Variants in ADAMTS20 observed in about 807,000 individuals in gnomAD.
The protein encoded by ADAMTS20 is A disintegrin and metalloproteinase with thrombospondin motifs 20.
ADAMTS20 carries 225 observed loss-of-function variants against 260.1 expected under a neutral mutation model. The ratio of observed to expected loss-of-function variants is 0.87; its 90% CI spans 0.78 to 0.97. ADAMTS20 has a LOEUF of 0.97. ADAMTS20 is among the 50% of genes least tolerant of loss of function. The pLI is 0.00. For synonymous variants in ADAMTS20, 802 were observed against 769.5 expected, an observed-to-expected ratio of 1.04 and a Z score of -0.70; for missense variants, 2,400 against 2,337.7, an observed-to-expected ratio of 1.03 and a Z score of -0.55.
chr12:43,551,086 G>T lies in ADAMTS20; in HGVS notation c.276C>A (p.Asn92Lys). 2 of 1,613,934 alleles carry T rather than the reference G, an allele frequency of 1.2e-6. No individual in the cohort carries two copies. Among genetic ancestry groups the T allele is most frequent in the Non-Finnish European group, 1.7e-6 (2 of 1,179,884 alleles). Residue 92 changes from asparagine to lysine, a missense_variant, in exon 2 of 39, where the codon AAC becomes AAA. Transcript: ENST00000389420. This position sits in a 1 kb window ranked among gnomAD's most constrained non-coding sequence, Gnocchi z 4.6. Reference protein sequence around the residue: ...FTAYGQLFQLNLTADASFLAA... With the variant: ...FTAYGQLFQLKLTADASFLAA... ...CCAGAAAGGATGCATCGGCGGTCAGGTTCAGCTGGAAGAGCTGCCCGTAGG... is the reference window on the plus strand; with the variant it reads ...CCAGAAAGGATGCATCGGCGGTCAGTTTCAGCTGGAAGAGCTGCCCGTAGG...
intron 3 of ADAMTS20, among the ~76,000 whole-genome samples, chr12:43,502,840 G>GA (rs1001553616): frequency 7.2e-5 from 11 of 151,820 alleles, no homozygotes; most frequent in Admixed American, 3.3e-4. Flanking sequence ...ATAAAATATA[G>GA]AAAAAAACAA....
chr12:43,531,833 T>C (rs908962119), intron 3 of ADAMTS20, among the ~76,000 whole-genome samples: 3 of 152,162 alleles, frequency 2.0e-5, no homozygotes, highest in Non-Finnish European at 4.4e-5. Flanking sequence ...TGTTAATTAG[T>C]TTGATTAAGC....
intron 11 of ADAMTS20, among the ~76,000 whole-genome samples, chr12:43,456,889 A>T (rs1378960474): frequency 6.6e-6 from 1 of 152,074 alleles, no homozygotes; most frequent in African/African-American, 2.4e-5. Flanking sequence ...TAACCAGGGG[A>T]ACAGATATGA....
At chr12:43,355,295 A>G (rs1159756373) in intron 38 of ADAMTS20, among the ~76,000 whole-genome samples, 2 of 152,156 alleles carry the variant, frequency 1.3e-5, no homozygotes, top group East Asian at 3.9e-4. Context: ...TCTTCATTAA[A>G]CTTATTGGCA....
intron 28 of ADAMTS20, among the ~76,000 whole-genome samples, chr12:43,422,009 C>T (rs1401228399): frequency 6.6e-6 from 1 of 151,880 alleles, no homozygotes; most frequent in African/African-American, 2.4e-5. Flanking sequence ...AAAAATACAA[C>T]ATACATATGA....
At chr12:43,368,035 C>T (rs368141305) in intron 37 of ADAMTS20, among the ~76,000 whole-genome samples, 1 of 151,894 alleles carries the variant, frequency 6.6e-6, no homozygotes, top group African/African-American at 2.4e-5. Context: ...ATGTAAAGAT[C>T]GTTACCATTG....
chr12:43,493,251 A>C lies in ADAMTS20; in HGVS notation c.870T>G (p.Val290=). The C allele has an allele frequency of 6.5e-7, 1 of 1,543,164 alleles. No individual in the cohort carries two copies. Among genetic ancestry groups the C allele is most frequent in the Non-Finnish European group, 8.8e-7 (1 of 1,142,546 alleles). Residue 290 remains valine (V), a splice_region_variant and synonymous_variant, in exon 5 of 39, where the codon GTT becomes GTG. Transcript: ENST00000389420. ...TACTTGGATCTTTGTAGATTGTTGC[A>C]ACCTGCATGTAAAAAAAATGTAGGA... The part of the protein sequence containing the change: ...QNYILTLMSI[V]ATIYKDPSIG...
At chr12:43,410,180 CAT>C (rs1941005606) in intron 28 of ADAMTS20, among the ~76,000 whole-genome samples, 1 of 151,816 alleles carries the variant, frequency 6.6e-6, no homozygotes, top group South Asian at 2.1e-4. Flanking sequence ...AAAAGAGAAA[CAT>C]ATGTGATGTA....
At chr12:43,430,559 T>C (rs1402404152) in intron 22 of ADAMTS20, 88 bp from the exon 23 acceptor site, 16 of 1,222,388 alleles carry the variant, frequency 1.3e-5, no homozygotes, top group Admixed American at 2.5e-5. Flanking sequence ...CTGTTAATAA[T>C]ATACTTTTAA....
At position 43,468,599 on chromosome 12, in the gene ADAMTS20, C is replaced by T. The variant is rs1297640432; in HGVS notation, c.1223+1G>A. The T allele has an allele frequency of 7.0e-6, 11 of 1,578,352 alleles. No individual in the cohort carries two copies. Among genetic ancestry groups the T allele is most frequent in the African/African-American group, 1.4e-5 (1 of 73,744 alleles). ...TTAAGGAGGTGACAGAAGGTACTTA[C>T]GTGTGCCCAAGCTCATGGGCTATAG... On this transcript the variant is annotated splice_donor_variant, in intron 8 of 38. Coordinates refer to ENST00000389420, the MANE Select transcript of ADAMTS20 (RefSeq NM_025003.5). LOFTEE classifies it high-confidence loss of function.
At chr12:43,536,231 T>A (rs1224095516) in intron 2 of ADAMTS20, among the ~76,000 whole-genome samples, 1 of 152,134 alleles carries the variant, frequency 6.6e-6, no homozygotes, top group Non-Finnish European at 1.5e-5. Flanking sequence ...TCATACCTAG[T>A]AAGTGGCGGT....
chr12:43,376,904 T>C (rs140892155), intron 32 of ADAMTS20, among the ~76,000 whole-genome samples: 78 of 152,332 alleles, frequency 5.1e-4, no homozygotes, highest in African/African-American at 1.8e-3. Flanking sequence ...TTAGCAACAA[T>C]ACATTGTAAA....
chr12:43,427,479 A>G lies in ADAMTS20; in HGVS notation c.3946-10T>C, dbSNP rs1191587015. 6.3e-7 allele frequency: 1 copy of G among 1,594,542 alleles called. No homozygotes were observed. Among genetic ancestry groups the G allele is most frequent in the Non-Finnish European group, 8.5e-7 (1 of 1,172,658 alleles). On this transcript the variant is annotated splice_polypyrimidine_tract_variant and intron_variant, in intron 26 of 38. Coordinates refer to ENST00000389420, the MANE Select transcript of ADAMTS20 (RefSeq NM_025003.5). ...AACAACTGCTGGAGCACTGACAAGA[A>G]TAAAACACAAAATATGCACAAACTG...
chr12:43,443,981 A>C, intron 15 of ADAMTS20, 98 bp from the exon 16 acceptor site: 4 of 892,058 alleles, frequency 4.5e-6, no homozygotes, highest in Non-Finnish European at 7.1e-6. Context: ...GCATAGTCAG[A>C]CTTAATTTTG....
At chr12:43,379,396 T>C (rs557334028) in intron 31 of ADAMTS20, among the ~76,000 whole-genome samples, 1 of 152,238 alleles carries the variant, frequency 6.6e-6, no homozygotes, top group South Asian at 2.1e-4. Flanking sequence ...GCCGTGAACA[T>C]GCATCAGATT....
At chr12:43,548,877 GTT>G (rs1012751206) in intron 2 of ADAMTS20, among the ~76,000 whole-genome samples, 9 of 151,936 alleles carry the variant, frequency 5.9e-5, no homozygotes, top group African/African-American at 1.2e-4. Flanking sequence ...ACGTTTAAAT[GTT>G]TTATCAACTA....
rs746038595 is a variant in ADAMTS20, at chr12:43,501,479, G to GCACACACACACACACACACACA, written c.867+672_867+673insTGTGTGTGTGTGTGTGTGTGTG. On this transcript the variant is annotated intron_variant, in intron 4 of 38. Coordinates refer to ENST00000389420, the MANE Select transcript of ADAMTS20 (RefSeq NM_025003.5). ...GGGGGATACGCGCGCGCGCGCGCGC[G>GCACACACACACACACACACACA]CGCACACACACACACACACACACAT... Among the ~76,000 whole-genome samples the GCACACACACACACACACACACA allele has an allele frequency of 3.4e-4, 23 of 67,124 alleles. No individual in the cohort carries two copies. In the South Asian group the frequency reaches 3.9e-3, roughly 11 times the overall value. 44.0% of individuals were successfully genotyped at this position (67,124 alleles called of 152,430 possible).
chr12:43,438,089 C>T (rs771748700), intron 18 of ADAMTS20, among the ~76,000 whole-genome samples: 5 of 152,142 alleles, frequency 3.3e-5, no homozygotes, highest in Non-Finnish European at 5.9e-5. Context: ...GGAATATAAT[C>T]AGAGTTCACT....
chr12:43,457,170 T>C, intron 11 of ADAMTS20, among the ~76,000 whole-genome samples: 1 of 151,858 alleles, frequency 6.6e-6, no homozygotes, highest in East Asian at 2.0e-4. Context: ...TTTTTTTCTC[T>C]TCATTTCCAG....
Sources: gnomAD v4.1 joint callset for allele counts (sites outside exome capture counted in the v4.1 genomes callset) on GRCh38, gnomAD v4.1.1 for gene constraint, Gnocchi (gnomAD v3.1) non-coding constraint, MANE v1.5 for transcripts, NCBI Gene and HGNC (gene_info 2026-07-23, HGNC 2026-07-21) for gene names.